The following RNFT1 variants were observed in gnomAD, a reference collection of about 807,000 sequenced individuals.
RNFT1 encodes E3 ubiquitin-protein ligase RNFT1.
In RNFT1, 35 loss-of-function variants were observed where a neutral mutation model predicts 53.2. That is an observed-to-expected ratio of 0.66 (90% CI 0.50 to 0.87). RNFT1 has a LOEUF of 0.87. Ranked by LOEUF, RNFT1 falls within the 40% of genes least tolerant of loss-of-function variation. The pLI, the probability that RNFT1 is intolerant of heterozygous loss-of-function variation, is 0.00. For synonymous variants in RNFT1, 141 were observed against 172.8 expected (o/e 0.82, Z 1.44); for missense variants, 421 against 515.0 (o/e 0.82, Z 1.77).
intron 8 of RNFT1, 80 bp from the exon 9 acceptor site, chr17:59,953,191 T>C (rs1410140972): frequency 6.9e-5 from 4 of 57,976 alleles, no homozygotes; most frequent in Non-Finnish European, 4.8e-5. Context: ...AAAGGGATTC[T>C]TTTTTTTTTT....
chr17:59,957,473 T>C (rs1241930417), intron 5 of RNFT1, 91 bp from the exon 6 acceptor site: 38 of 788,984 alleles, frequency 4.8e-5, no homozygotes, highest in Middle Eastern at 3.8e-4. Context: ...GAGTATATTA[T>C]ACAATAATAT....
intron 2 of RNFT1, 62 bp from the exon 3 acceptor site, chr17:59,962,678 T>C (rs2045303137): frequency 1.4e-6 from 2 of 1,387,004 alleles, no homozygotes; most frequent in African/African-American, 1.5e-5. Context: ...TTATATAAGC[T>C]AACAATGACA....
intron 1 of RNFT1, among the ~76,000 whole-genome samples, chr17:59,963,962 T>C (rs1458851460): frequency 6.6e-6 from 1 of 152,134 alleles, no homozygotes; most frequent in Admixed American, 6.5e-5. Context: ...ACGTAATTGC[T>C]AGGTAACTCT....
At chr17:59,963,667 T>G (rs987875477) in intron 1 of RNFT1, among the ~76,000 whole-genome samples, 5 of 152,176 alleles carry the variant, frequency 3.3e-5, no homozygotes, top group Non-Finnish European at 5.9e-5. Flanking sequence ...TGATGTAGAT[T>G]CTACATCAAA....
Position 59,958,304 on chromosome 17 carries a change from G to A in RNFT1, c.833C>T (p.Pro278Leu). The change falls in exon 5 of 9, where the codon CCT becomes CTT. Residue 278 changes from proline to leucine, a missense_variant. Coordinates refer to ENST00000305783, the MANE Select transcript of RNFT1 (RefSeq NM_016125.4). The part of the protein sequence containing the change: ...LILLVPSFIM[P>L]FKSKGYWYML... ...TGAGTTTCTTACCTTAGATTTAAAA[G>A]GCATGATGAAAGAAGGCACCAATAA... 1 of 1,592,056 alleles carries A rather than the reference G, an allele frequency of 6.3e-7. No homozygotes were observed. Among genetic ancestry groups the A allele is most frequent in the Non-Finnish European group, 8.5e-7 (1 of 1,175,214 alleles).
rs778417580 is a variant in RNFT1, at chr17:59,962,596, G to T, written c.535C>A (p.Leu179Met). 1 of 1,600,022 alleles carries T rather than the reference G, an allele frequency of 6.2e-7. No individual in the cohort carries two copies. The highest frequency in any genetic ancestry group is 2.2e-5 in the East Asian group (1 of 44,696). ...TTTGCATACATAAAAGTTGTTAGCA[G>T]CCCAATTCCAAGAGAAATTCCTGTT... Reference protein sequence around the residue: ...HITGISLGIGLLTTFMYANKS... With the variant: ...HITGISLGIGMLTTFMYANKS... Residue 179 changes from leucine to methionine, a missense_variant, in exon 3 of 9, where the codon CTG (leucine) becomes ATG (methionine). Coordinates refer to ENST00000305783, the MANE Select transcript of RNFT1 (RefSeq NM_016125.4).
chr17:59,963,759 CTTA>C (rs1365111718), intron 1 of RNFT1, among the ~76,000 whole-genome samples: 1 of 152,146 alleles, frequency 6.6e-6, no homozygotes, highest in Admixed American at 6.5e-5. Flanking sequence ...ATCTTAATGC[CTTA>C]TTATCATCAT....
rs1479012824 is a variant in RNFT1, at chr17:59,963,258, G to C, written c.83C>G (p.Ser28Cys). 7.5e-6 allele frequency: 12 copies of C among 1,609,524 alleles called. No homozygotes were observed. The highest frequency in any genetic ancestry group is 1.0e-5 in the Non-Finnish European group (12 of 1,177,588). The stretch of plus-strand genomic sequence containing the variant: ...CCTTAAATACTTTTTCTCTGACCCA[G>C]ATGTCTTTGCTTCAGGCCTCTGTCT... ...ERRQRPEAKT[S>C]GSEKKYLRAM... is the part of the protein sequence containing the mutation. Residue 28 changes from serine to cysteine, a missense_variant, in exon 2 of 9, where the codon TCT becomes TGT. By Grantham distance (112) the Ser-to-Cys change is moderately radical. Coordinates refer to ENST00000305783, the MANE Select transcript of RNFT1 (RefSeq NM_016125.4).
chr17:59,959,718 T>TG, intron 4 of RNFT1: 1 of 156,434 alleles, frequency 6.4e-6, no homozygotes. Context: ...TCAGGAGGTC[T>TG]GACCAACATG....
chr17:59,952,960 T>C lies in RNFT1; in HGVS notation c.*17A>G, dbSNP rs755450258. Reference sequence around the variant, plus strand: ...CAAATGACATTAGTATTTTGTGGCCTTGATAGTTTATACAACTTAATATAT... The same window carrying C: ...CAAATGACATTAGTATTTTGTGGCCCTGATAGTTTATACAACTTAATATAT... On this transcript the variant is annotated 3_prime_UTR_variant, in exon 9 of 9. Transcript: ENST00000305783. The C allele has an allele frequency of 6.2e-7, 1 of 1,609,204 alleles. No individual in the cohort carries two copies. Among genetic ancestry groups the C allele is most frequent in the Admixed American group, 1.7e-5 (1 of 59,874 alleles).
chr17:59,953,768 A>T (rs1187294270), intron 8 of RNFT1, among the ~76,000 whole-genome samples: 1 of 152,222 alleles, frequency 6.6e-6, no homozygotes, highest in Non-Finnish European at 1.5e-5. Context: ...ATTGTTCTAC[A>T]TGGCTAGTAT....
At chr17:59,964,431 C>T (rs1396133867) in intron 1 of RNFT1, among the ~76,000 whole-genome samples, 177 bp downstream of exon 1, 1 of 152,182 alleles carries the variant, frequency 6.6e-6, no homozygotes, top group African/African-American at 2.4e-5. Flanking sequence ...CACTTTCCTT[C>T]ATGCACAGAC....
intron 4 of RNFT1, chr17:59,958,828 T>C (rs2045269901): frequency 3.3e-6 from 1 of 303,336 alleles, no homozygotes; most frequent in South Asian, 2.6e-5. Context: ...TCTGTATGGC[T>C]AAATTTCAAG....
chr17:59,963,201 CTG>C lies in RNFT1; in HGVS notation c.138_139del (p.His46GlnfsTer9). ...CTCACTGCTTCCAGTTCCTGGAGGA[CTG>C]TGCAGTTGGCTACGATTGGCTTGCA... On this transcript the variant is annotated frameshift_variant, in exon 2 of 9. Transcript: ENST00000305783. LOFTEE classifies it high-confidence loss of function. The C allele has an allele frequency of 6.2e-7, 1 of 1,614,202 alleles. No individual in the cohort carries two copies. Among genetic ancestry groups the C allele is most frequent in the Non-Finnish European group, 8.5e-7 (1 of 1,180,046 alleles).
At chr17:59,962,644 G>T (rs768584314) in intron 2 of RNFT1, 28 bp from the exon 3 acceptor site, 15 of 1,512,376 alleles carry the variant, frequency 9.9e-6, no homozygotes, top group Non-Finnish European at 1.3e-5. Context: ...CCAGTTAATT[G>T]AAAGAAAAAA....
chr17:59,962,361 C>T, intron 3 of RNFT1, 179 bp downstream of exon 3: 1 of 540,878 alleles, frequency 1.8e-6, no homozygotes, highest in East Asian at 3.0e-5. Flanking sequence ...AGGAATTCAG[C>T]ATTAGGAGAG....
rs1212608670 is a variant in RNFT1 at position 59,952,324 on chromosome 17, C to CTGAT, written c.*649_*652dup. 6.6e-6 allele frequency: 1 copy of CTGAT among 152,176 alleles called. No individual in the cohort carries two copies. The highest frequency in any genetic ancestry group is 1.5e-5 in the Non-Finnish European group (1 of 68,038). The allele number at this position is 152,176 out of a possible 1,614,324, so 9.4% of individuals were successfully genotyped here. ...AAAAGCATGATCATGAACATTAAAG[C>CTGAT]TGATGGCAGGAAGAATTTATGACGT... On this transcript the variant is annotated 3_prime_UTR_variant, in exon 9 of 9. Coordinates refer to ENST00000305783, the MANE Select transcript of RNFT1 (RefSeq NM_016125.4).
At chr17:59,959,904 C>T (rs906506233) in intron 4 of RNFT1, 164 bp downstream of exon 4, 11 of 582,136 alleles carry the variant, frequency 1.9e-5, no homozygotes, top group Admixed American at 4.6e-5. Context: ...AGTGAGACTC[C>T]GTCTCAAAAA....
intron 7 of RNFT1, 65 bp from the exon 8 acceptor site, chr17:59,954,211 A>C: frequency 3.7e-6 from 4 of 1,073,448 alleles, no homozygotes; most frequent in Non-Finnish European, 5.6e-6. Context: ...AAATTACATA[A>C]GTAATGCTGT....
Sources: allele counts gnomAD v4.1 joint callset (sites outside exome capture counted in the v4.1 genomes callset), GRCh38; gene constraint gnomAD v4.1.1; transcripts MANE v1.5; gene names NCBI Gene and HGNC (gene_info 2026-07-23, HGNC 2026-07-21).